The following KIAA0825 variants were observed in gnomAD, a reference collection of about 807,000 sequenced individuals.
KIAA0825 encodes uncharacterized protein KIAA0825.
Under a neutral mutation model 147.6 loss-of-function variants are expected in KIAA0825, and 119 were observed. The observed-to-expected ratio is 0.81, with a 90% confidence interval of 0.69 to 0.94. The LOEUF is 0.94. Among genes scored for constraint, KIAA0825 ranks in the 40% least tolerant of loss-of-function variants. The pLI is 0.00. For synonymous variants in KIAA0825, 470 were observed against 518.1 expected (o/e 0.91, Z 1.26); for missense variants, 1,381 against 1,472.7 (o/e 0.94, Z 1.02).
chr5:94,162,475 T>A (rs1583708017), intron 20 of KIAA0825, among the ~76,000 whole-genome samples: 1 of 151,904 alleles, frequency 6.6e-6, no homozygotes, highest in East Asian at 1.9e-4. Context: ...ATTTTTTTTT[T>A]AAGCATTTTT....
intron 20 of KIAA0825, among the ~76,000 whole-genome samples, chr5:94,357,848 CA>C (rs1744497119): frequency 6.7e-6 from 1 of 150,118 alleles, no homozygotes; most frequent in Non-Finnish European, 1.5e-5. Context: ...TAAAACTAGA[CA>C]AAAGACGTAT....
intron 20 of KIAA0825, among the ~76,000 whole-genome samples, chr5:94,164,628 GTCT>G (rs1189869361): frequency 6.6e-6 from 1 of 151,984 alleles, no homozygotes; most frequent in Non-Finnish European, 1.5e-5. Flanking sequence ...AGCCAGGATG[GTCT>G]TCATCTCCTG....
intron 20 of KIAA0825, among the ~76,000 whole-genome samples, chr5:94,330,411 C>G (rs1189755642): frequency 6.6e-6 from 1 of 151,994 alleles, no homozygotes; most frequent in African/African-American, 2.4e-5. Context: ...AAATCAATAA[C>G]AAGGATATCT....
chr5:94,352,486 A>T (rs1252906109), intron 20 of KIAA0825, among the ~76,000 whole-genome samples: 4 of 152,222 alleles, frequency 2.6e-5, no homozygotes, highest in Non-Finnish European at 4.4e-5. Context: ...GTAAACTAGT[A>T]CAGCTACTAT....
At chr5:94,422,199 T>G (rs190375102) in intron 14 of KIAA0825, among the ~76,000 whole-genome samples, 1 of 152,260 alleles carries the variant, frequency 6.6e-6, no homozygotes, top group African/African-American at 2.4e-5. Context: ...AAGCAGGCCT[T>G]CACGGAATTC....
chr5:94,258,469 A>C (rs1327871088), intron 20 of KIAA0825, among the ~76,000 whole-genome samples: 1 of 151,962 alleles, frequency 6.6e-6, no homozygotes, highest in Non-Finnish European at 1.5e-5. Context: ...CCACTTGGAG[A>C]ATAGATCTAT....
chr5:94,172,935 CA>C (rs1768768587), intron 20 of KIAA0825, among the ~76,000 whole-genome samples: 1 of 152,070 alleles, frequency 6.6e-6, no homozygotes, highest in Non-Finnish European at 1.5e-5. Flanking sequence ...AAAGATTTGG[CA>C]GTGTGCTTGG....
In KIAA0825 at chr5:94,164,432, G is replaced by T. The variant is rs112887644; in HGVS notation, c.3711-10308C>A. 2.7e-5 allele frequency among the ~76,000 whole-genome samples: 4 copies of T among 147,672 alleles called. No homozygotes were observed. The South Asian group carries it at 8.5e-4, about 31-fold the overall frequency. ...GTGAACTTATTTTTTTTTTTTTTTA[G>T]ACAGAGTCTCACTCTGTTGCCCAGG... On this transcript the variant is annotated intron_variant, in intron 20 of 20. Transcript: ENST00000682413.
intron 20 of KIAA0825, among the ~76,000 whole-genome samples, chr5:94,305,313 C>T (rs919262433): frequency 4.6e-5 from 7 of 151,736 alleles, no homozygotes; most frequent in African/African-American, 1.7e-4. Flanking sequence ...CACACATATG[C>T]ACACACACAC....
At chr5:94,527,096 A>G (rs1769448046) in intron 3 of KIAA0825, among the ~76,000 whole-genome samples, 1 of 152,012 alleles carries the variant, frequency 6.6e-6, no homozygotes, top group South Asian at 2.1e-4. Context: ...CTTTAAAACT[A>G]TATTTATTTG....
chr5:94,478,041 T>C (rs769640280), intron 6 of KIAA0825, among the ~76,000 whole-genome samples: 29 of 152,226 alleles, frequency 1.9e-4, no homozygotes, highest in Non-Finnish European at 4.0e-4. Flanking sequence ...AATTTCTTTA[T>C]GCCTGGGCAA....
At chr5:94,163,436 A>G (rs1273689343) in intron 20 of KIAA0825, among the ~76,000 whole-genome samples, 2 of 152,060 alleles carry the variant, frequency 1.3e-5, no homozygotes, top group African/African-American at 2.4e-5. Context: ...ATGTAACTTT[A>G]TATCATCATC....
intron 2 of KIAA0825, among the ~76,000 whole-genome samples, chr5:94,542,473 T>C (rs1773524468): frequency 6.6e-6 from 1 of 152,230 alleles, no homozygotes; most frequent in African/African-American, 2.4e-5. Context: ...GTGAATGTTC[T>C]TAATTTATGG....
chr5:94,217,502 T>G (rs1773304286), intron 20 of KIAA0825, among the ~76,000 whole-genome samples: 1 of 152,152 alleles, frequency 6.6e-6, no homozygotes, highest in South Asian at 2.1e-4. Flanking sequence ...TTTACCATGA[T>G]GGGCTGAACT....
chr5:94,272,112 A>C (rs1777019484), intron 20 of KIAA0825, among the ~76,000 whole-genome samples: 1 of 146,556 alleles, frequency 6.8e-6, no homozygotes, highest in Non-Finnish European at 1.5e-5. Flanking sequence ...GGAGCAAAAA[A>C]AAAAAAAAAA....
At chr5:94,247,008 C>T (rs779656806) in intron 20 of KIAA0825, among the ~76,000 whole-genome samples, 3 of 152,110 alleles carry the variant, frequency 2.0e-5, no homozygotes, top group Non-Finnish European at 4.4e-5. Context: ...CTTCTTCATT[C>T]TCTTCATCTT....
rs1208522492 is a variant in KIAA0825 at position 94,386,370 on chromosome 5, C to A, written c.3491G>T (p.Ser1164Ile). ...GATGGGTAATGGCTTTTCCTCTGAACTATTCATAGAAAACAGCTGTTCTTT... is the reference window on the plus strand; with the variant it reads ...GATGGGTAATGGCTTTTCCTCTGAAATATTCATAGAAAACAGCTGTTCTTT... Reference protein sequence around the residue: ...YLKEQLFSMNSSEEKPLPIRP... With the variant: ...YLKEQLFSMNISEEKPLPIRP... The change falls in exon 19 of 21, where the codon AGT becomes ATT. Residue 1164 changes from serine (S) to isoleucine (I), a missense_variant. Coordinates refer to ENST00000682413, the MANE Select transcript of KIAA0825 (RefSeq NM_001145678.3). 1 of 1,550,838 alleles carries A rather than the reference C, an allele frequency of 6.4e-7. No individual in the cohort carries two copies. Among genetic ancestry groups the A allele is most frequent in the Non-Finnish European group, 8.7e-7 (1 of 1,146,646 alleles).
At chr5:94,478,204 G>T (rs1762111312) in intron 6 of KIAA0825, among the ~76,000 whole-genome samples, 2 of 152,048 alleles carry the variant, frequency 1.3e-5, no homozygotes, top group Admixed American at 1.3e-4. Flanking sequence ...GAAGTGTTTT[G>T]TTCTGATGTT....
intron 14 of KIAA0825, among the ~76,000 whole-genome samples, chr5:94,435,101 GA>G (rs201251021): frequency 6.6e-6 from 1 of 150,814 alleles, no homozygotes; most frequent in Non-Finnish European, 1.5e-5. Context: ...TCAATTAGAT[GA>G]AAAAAAACCA....
Sources: gnomAD v4.1 joint callset for allele counts (sites outside exome capture counted in the v4.1 genomes callset) on GRCh38, gnomAD v4.1.1 for gene constraint, MANE v1.5 for transcripts, NCBI Gene and HGNC (gene_info 2026-07-23, HGNC 2026-07-21) for gene names.